The following CHD1 variants were observed in gnomAD, a reference collection of about 807,000 sequenced individuals.
The protein encoded by CHD1 is ATP-dependent chromatin remodeler CHD1.
Under a neutral mutation model 224.2 loss-of-function variants are expected in CHD1, and 36 were observed. The ratio of observed to expected loss-of-function variants is 0.16; its 90% CI spans 0.12 to 0.21. The LOEUF is 0.21. Among genes scored for constraint, CHD1 ranks in the 10% least tolerant of loss-of-function variants. The pLI, the probability that CHD1 is intolerant of heterozygous loss-of-function variation, is 1.00. For synonymous variants in CHD1, 668 were observed against 658.3 expected (o/e 1.01, Z -0.23); for missense variants, 1,378 against 1,994.8 (o/e 0.69, Z 5.89).
In CHD1 at chr5:98,880,947, G is replaced by A. The variant is rs993992796; in HGVS notation, c.3060+129C>T. 8.0e-4 allele frequency: 542 copies of A among 673,478 alleles called. 2 individuals are homozygous for A. Among genetic ancestry groups the A allele is most frequent in the Non-Finnish European group, 1.0e-3 (396 of 380,362 alleles). 41.7% of individuals were successfully genotyped at this position (673,478 alleles called of 1,614,324 possible). ...TTGCTACTGGTTTGTCTGAACAAGA[G>A]AGAGTAGTTTTTACATAACACAGCA... is the stretch of plus-strand genomic sequence containing the variant. On this transcript the variant is annotated intron_variant, in intron 22 of 35. Transcript: ENST00000614616.
At chr5:98,916,979 GAAA>G (rs1233974112) in intron 2 of CHD1, among the ~76,000 whole-genome samples, 1 of 152,018 alleles carries the variant, frequency 6.6e-6, no homozygotes, top group African/African-American at 2.4e-5. Context: ...TTAGAACTGT[GAAA>G]ACAGTATTAC....
intron 2 of CHD1, among the ~76,000 whole-genome samples, chr5:98,909,122 C>T (rs529810210): frequency 5.2e-4 from 79 of 152,118 alleles, no homozygotes; most frequent in African/African-American, 1.8e-3. Context: ...AAGATCACTT[C>T]GTTAATATTA....
chr5:98,898,426 T>G lies in CHD1; in HGVS notation c.1195A>C (p.Asn399His). Residue 399 changes from asparagine to histidine, a missense_variant, in exon 10 of 36, where the codon AAT becomes CAT. Transcript: ENST00000614616. ...QIVERIIAHS[N>H]QKSAAGYPDY... ...GGATAACCAGCTGCTGACTTTTGATTGGAATGAGCTGTGAGAGAATCAGGC... is the reference window on the plus strand; with the variant it reads ...GGATAACCAGCTGCTGACTTTTGATGGGAATGAGCTGTGAGAGAATCAGGC... 1 of 1,566,626 alleles carries G rather than the reference T, an allele frequency of 6.4e-7. No individual in the cohort carries two copies. Among genetic ancestry groups the G allele is most frequent in the East Asian group, 2.3e-5 (1 of 43,824 alleles).
chr5:98,871,359 C>T (rs1359839463), intron 28 of CHD1, among the ~76,000 whole-genome samples: 1 of 124,112 alleles, frequency 8.1e-6, no homozygotes, highest in Non-Finnish European at 1.6e-5. Context: ...CCAGTGTTTC[C>T]CATTTTAGGC....
At chr5:98,862,015 G>A (rs1019973654) in intron 32 of CHD1, among the ~76,000 whole-genome samples, 1 of 152,124 alleles carries the variant, frequency 6.6e-6, no homozygotes, top group East Asian at 1.9e-4. Context: ...GAATTAGCCA[G>A]GCCTGGTAGC....
chr5:98,896,178 C>A, intron 12 of CHD1, 48 bp downstream of exon 12: 1 of 1,490,130 alleles, frequency 6.7e-7, no homozygotes, highest in Non-Finnish European at 9.4e-7. Context: ...CACTTGATCT[C>A]AAAGACAAGT....
intron 35 of CHD1, 52 bp downstream of exon 35, chr5:98,858,128 T>A (rs958186391): frequency 1.4e-6 from 2 of 1,404,794 alleles, no homozygotes; most frequent in African/African-American, 2.8e-5. Context: ...AACATCATGA[T>A]AAGGAGAAAA....
chr5:98,863,839 T>C (rs1748655322), intron 31 of CHD1, among the ~76,000 whole-genome samples: 1 of 152,196 alleles, frequency 6.6e-6, no homozygotes, highest in Non-Finnish European at 1.5e-5. Context: ...GGATTTTACT[T>C]AGCTTCTACA....
intron 32 of CHD1, 47 bp downstream of exon 32, chr5:98,863,361 A>G (rs1391649132): frequency 3.7e-6 from 4 of 1,084,918 alleles, no homozygotes; most frequent in Non-Finnish European, 5.0e-6. Flanking sequence ...AAAAAAAGAC[A>G]GTTATATAAT....
intron 2 of CHD1, among the ~76,000 whole-genome samples, chr5:98,917,254 T>G (rs937547231): frequency 1.1e-4 from 16 of 146,730 alleles, no homozygotes; most frequent in African/African-American, 4.0e-4. Context: ...ACGTGAAATT[T>G]AAGATTATCA....
Position 98,883,250 on chromosome 5 carries a change from G to A in CHD1, c.2569-13C>T. ...AAAAGCAAAAATCCTGTAAGAAATT[G>A]AATAATCAAAATGAAAAATTTTTCA... On this transcript the variant is annotated splice_polypyrimidine_tract_variant and intron_variant, in intron 18 of 35. Transcript: ENST00000614616. 6.4e-7 allele frequency: 1 copy of A among 1,563,242 alleles called. No homozygotes were observed. Among genetic ancestry groups the A allele is most frequent in the South Asian group, 1.2e-5 (1 of 83,664 alleles).
intron 12 of CHD1, among the ~76,000 whole-genome samples, chr5:98,895,020 C>T (rs1751255018): frequency 6.6e-6 from 1 of 152,040 alleles, no homozygotes; most frequent in African/African-American, 2.4e-5. Context: ...AGGGTATCTC[C>T]ATGTTGGTCA....
Position 98,904,096 on chromosome 5 carries a change from A to G in CHD1, c.256-188T>C, listed in dbSNP as rs41300817. ...AAAATGCTGAGCTCTAGTTATGTATAAAAAAAAATGGTGTGTTGAGTTCCA... is the reference window on the plus strand; with the variant it reads ...AAAATGCTGAGCTCTAGTTATGTATGAAAAAAAATGGTGTGTTGAGTTCCA... On this transcript the variant is annotated intron_variant, in intron 3 of 35. Transcript: ENST00000614616. Among the ~76,000 whole-genome samples the G allele has an allele frequency of 9.3e-3, 1,400 of 151,274 alleles. 16 individuals carry two copies. The highest frequency in any genetic ancestry group is 0.026 in the South Asian group (123 of 4,774).
intron 15 of CHD1, chr5:98,889,979 C>T (rs886954917): frequency 6.6e-6 from 1 of 152,220 alleles, no homozygotes; most frequent in African/African-American, 2.4e-5. Context: ...ACCGCATGTT[C>T]TCACTTACAA....
At chr5:98,890,210 G>A (rs1750924165) in intron 15 of CHD1, among the ~76,000 whole-genome samples, 1 of 152,094 alleles carries the variant, frequency 6.6e-6, no homozygotes, top group South Asian at 2.1e-4. Flanking sequence ...CTCTCACCAT[G>A]ACCTTTTCCA....
intron 2 of CHD1, among the ~76,000 whole-genome samples, chr5:98,915,338 A>G (rs1459756722): frequency 6.6e-6 from 1 of 152,210 alleles, no homozygotes; most frequent in Non-Finnish European, 1.5e-5. Context: ...CTTAAAGTAC[A>G]ATATGATTCT....
intron 16 of CHD1, 129 bp downstream of exon 16, chr5:98,888,947 A>G: frequency 1.9e-6 from 1 of 513,728 alleles, no homozygotes; most frequent in Non-Finnish European, 3.4e-6. Context: ...TGAGACCATT[A>G]TAGAAAGGCA....
In CHD1 at chr5:98,869,717, CCATAGAAAAGGTTGTTGTTCTAAAACA is replaced by C. The variant is rs755215245; in HGVS notation, c.4107+10_4107+36del. 2.5e-6 allele frequency: 4 copies of C among 1,601,042 alleles called. No individual in the cohort carries two copies. Among genetic ancestry groups the C allele is most frequent in the Admixed American group, 3.4e-5 (2 of 58,924 alleles). ...CACAAAAACATGCCATATTCCCTTT[CCATAGAAAAGGTTGTTGTTCTAAAACA>C]CATTCTTACTTTATCATCATCTTCA... On this transcript the variant is annotated intron_variant, in intron 30 of 35. Coordinates refer to ENST00000614616, the MANE Select transcript of CHD1 (RefSeq NM_001270.4).
At chr5:98,914,993 A>G (rs1752646627) in intron 2 of CHD1, among the ~76,000 whole-genome samples, 1 of 152,246 alleles carries the variant, frequency 6.6e-6, no homozygotes, top group Non-Finnish European at 1.5e-5. Flanking sequence ...TCTGGAAAGT[A>G]GTAGGTAATG....
Sources: gnomAD v4.1 joint callset for allele counts (sites outside exome capture counted in the v4.1 genomes callset) on GRCh38, gnomAD v4.1.1 for gene constraint, MANE v1.5 for transcripts, NCBI Gene and HGNC (gene_info 2026-07-23, HGNC 2026-07-21) for gene names.